The following PLCB1 variants were observed in gnomAD, a reference collection of about 807,000 sequenced individuals.
PLCB1 encodes the protein phospholipase C beta 1, also known as 1-phosphatidylinositol 4,5-bisphosphate phosphodiesterase beta-1.
PLCB1 carries 46 observed loss-of-function variants against 161.8 expected under a neutral mutation model. The observed-to-expected ratio is 0.28, with a 90% CI of 0.22 to 0.36. The LOEUF is 0.36. Ranked by LOEUF, PLCB1 falls within the 10% of genes least tolerant of loss-of-function variation. The pLI, the probability that PLCB1 is intolerant of heterozygous loss-of-function variation, is 1.00. For synonymous variants in PLCB1, 517 were observed against 503.7 expected, an observed-to-expected ratio of 1.03 and a Z score of -0.35; for missense variants, 1,016 against 1,472.5, an observed-to-expected ratio of 0.69 and a Z score of 5.07.
chr20:8,618,918 A>G (rs1178032252), intron 3 of PLCB1, among the ~76,000 whole-genome samples: 1 of 152,222 alleles, frequency 6.6e-6, no homozygotes, highest in Non-Finnish European at 1.5e-5. Context: ...ATGTGTATCT[A>G]GAGTAACACA....
At chr20:8,295,028 G>A (rs1472927188) in intron 2 of PLCB1, among the ~76,000 whole-genome samples, 1 of 152,092 alleles carries the variant, frequency 6.6e-6, no homozygotes, top group Non-Finnish European at 1.5e-5. Context: ...AAGACTACGT[G>A]CAGTATGATA....
At chr20:8,778,377 G>A (rs1235354261) in intron 27 of PLCB1, among the ~76,000 whole-genome samples, 3 of 152,124 alleles carry the variant, frequency 2.0e-5, no homozygotes, top group Non-Finnish European at 2.9e-5. Context: ...GCACCATATG[G>A]AATCCCACTG....
At chr20:8,363,582 C>A (rs576735702) in intron 2 of PLCB1, among the ~76,000 whole-genome samples, 3 of 152,144 alleles carry the variant, frequency 2.0e-5, no homozygotes, top group Non-Finnish European at 4.4e-5. Flanking sequence ...AAAATTCACT[C>A]ACTCTTGCTG....
intron 3 of PLCB1, among the ~76,000 whole-genome samples, chr20:8,429,022 GC>G (rs1979915624): frequency 6.6e-6 from 1 of 152,084 alleles, no homozygotes; most frequent in South Asian, 2.1e-4. Flanking sequence ...CCTCTGAGAG[GC>G]CAGTATTATC....
intron 11 of PLCB1, among the ~76,000 whole-genome samples, chr20:8,701,136 C>T (rs1394362243): frequency 6.6e-6 from 1 of 152,222 alleles, no homozygotes; most frequent in African/African-American, 2.4e-5. Context: ...TGATTATCAG[C>T]ATGCAGTCTG....
intron 3 of PLCB1, among the ~76,000 whole-genome samples, chr20:8,426,287 A>G (rs2662983): frequency 0.47 from 71,949 of 152,066 alleles, 17,433 homozygotes; most frequent in African/African-American, 0.52. Context: ...CCTAAAAGAA[A>G]AAAAAGTTCT....
At position 8,397,190 on chromosome 20, in the gene PLCB1, A is replaced by G. The variant is rs147931374; in HGVS notation, c.246+25740A>G. On this transcript the variant is annotated intron_variant, in intron 3 of 31. Transcript: ENST00000338037. ...GTCATAGTCTACACAAAATAATTCT[A>G]GAATAAAAATACTGTTGCTACTAAT... is the stretch of plus-strand genomic sequence containing the variant. 3.4e-3 allele frequency among the ~76,000 whole-genome samples: 521 copies of G among 152,200 alleles called. 6 individuals are homozygous for G. Among genetic ancestry groups the G allele is most frequent in the African/African-American group, 0.012 (504 of 41,572 alleles).
At chr20:8,320,925 G>A (rs571008075) in intron 2 of PLCB1, among the ~76,000 whole-genome samples, 3 of 147,080 alleles carry the variant, frequency 2.0e-5, no homozygotes, top group Non-Finnish European at 4.5e-5. Flanking sequence ...AGGAAGAAGA[G>A]GAAGAAGAAG....
At chr20:8,638,985 T>C (rs6055962) in intron 4 of PLCB1, among the ~76,000 whole-genome samples, 3,009 of 92,654 alleles carry the variant, frequency 0.032, 95 homozygotes, top group African/African-American at 0.11. Context: ...CTTTTCTTTT[T>C]TTCTCATGTA....
At chr20:8,219,831 C>T (rs6039099) in intron 2 of PLCB1, among the ~76,000 whole-genome samples, 1,853 of 152,230 alleles carry the variant, frequency 0.012, 43 homozygotes, top group African/African-American at 0.042. Context: ...AAACTTATTT[C>T]TTCACATTGA....
intron 3 of PLCB1, among the ~76,000 whole-genome samples, chr20:8,424,748 T>G (rs994617904): frequency 2.0e-5 from 3 of 152,160 alleles, no homozygotes; most frequent in Non-Finnish European, 2.9e-5. Context: ...GGGTGGTGAC[T>G]GCAAGTTGTC....
chr20:8,352,913 A>T (rs775626979), intron 2 of PLCB1, among the ~76,000 whole-genome samples: 92 of 152,148 alleles, frequency 6.0e-4, no homozygotes, highest in Non-Finnish European at 1.1e-3. Flanking sequence ...CTTAATATAC[A>T]TGCAGATGGA....
In PLCB1 at chr20:8,847,386, C is replaced by A. The variant is rs1275547751; in HGVS notation, c.3424-34236C>A. ...ATCTGTCCTTACTCCCTTTCAAACA[C>A]CCAGCCCTTGGTCACTCTTGAACTT... On this transcript the variant is annotated intron_variant, in intron 31 of 31. Coordinates refer to ENST00000338037, the MANE Select transcript of PLCB1 (RefSeq NM_015192.4). 2.0e-5 allele frequency among the ~76,000 whole-genome samples: 3 copies of A among 152,184 alleles called. No homozygotes were observed. The East Asian group carries it at 5.8e-4, about 29-fold the overall frequency.
intron 11 of PLCB1, among the ~76,000 whole-genome samples, chr20:8,706,316 T>A (rs1485531146): frequency 6.6e-6 from 1 of 152,072 alleles, no homozygotes; most frequent in Non-Finnish European, 1.5e-5. Context: ...GTCAACAGGG[T>A]GTGTAGACAG....
chr20:8,463,009 AGTTT>A (rs950861289), intron 3 of PLCB1, among the ~76,000 whole-genome samples: 2 of 151,976 alleles, frequency 1.3e-5, no homozygotes, highest in Non-Finnish European at 2.9e-5. Context: ...ATTTTATTCC[AGTTT>A]GTTCATTTAT....
intron 3 of PLCB1, among the ~76,000 whole-genome samples, chr20:8,441,038 C>T (rs904099545): frequency 1.3e-5 from 2 of 152,216 alleles, no homozygotes; most frequent in Non-Finnish European, 2.9e-5. Context: ...ACTTTACTCT[C>T]GTCATTCAAC....
chr20:8,679,043 G>A (rs6140683), intron 9 of PLCB1, among the ~76,000 whole-genome samples: 12,377 of 152,194 alleles, frequency 0.081, 707 homozygotes, highest in East Asian at 0.17. Flanking sequence ...TTCTTGAAAG[G>A]CAATGCTCTG....
intron 3 of PLCB1, among the ~76,000 whole-genome samples, chr20:8,539,640 CTTTCT>C (rs1568499441): frequency 2.2e-5 from 2 of 92,552 alleles, no homozygotes; most frequent in African/African-American, 9.2e-5. Context: ...TTCTTTCTTT[CTTTCT>C]TTCTTTCTTT....
intron 3 of PLCB1, among the ~76,000 whole-genome samples, chr20:8,530,947 C>T (rs1984789198): frequency 6.6e-6 from 1 of 151,782 alleles, no homozygotes; most frequent in Non-Finnish European, 1.5e-5. Flanking sequence ...TTTTTATTTA[C>T]TTATGGATTT....
Sources: gnomAD v4.1 joint callset for allele counts (sites outside exome capture counted in the v4.1 genomes callset) on GRCh38, gnomAD v4.1.1 for gene constraint, MANE v1.5 for transcripts, NCBI Gene and HGNC (gene_info 2026-07-23, HGNC 2026-07-21) for gene names.